CDH4: variants seen among roughly 807,000 people sequenced by gnomAD.
The protein encoded by CDH4 is cadherin-4.
CDH4 carries 33 observed loss-of-function variants against 86.0 expected under a neutral mutation model. That is an observed-to-expected ratio of 0.38 (90% confidence interval 0.29 to 0.51). CDH4 has a LOEUF of 0.51. CDH4 is among the 20% of genes least tolerant of loss of function. The pLI, the probability that CDH4 is intolerant of heterozygous loss-of-function variation, is 0.86. For missense variants in CDH4, 1,114 were observed against 1,307.4 expected (o/e 0.85, Z 2.28); for synonymous variants, 555 against 549.4 (o/e 1.01, Z -0.14).
chr20:61,608,471 G>A (rs970913988), intron 2 of CDH4, among the ~76,000 whole-genome samples: 6 of 152,188 alleles, frequency 3.9e-5, no homozygotes, highest in African/African-American at 1.4e-4. Context: ...GCCTAGAGTC[G>A]TCAGGACCCT....
chr20:61,745,177 C>A (rs1166933979), intron 3 of CDH4, among the ~76,000 whole-genome samples: 1 of 152,232 alleles, frequency 6.6e-6, no homozygotes, highest in Non-Finnish European at 1.5e-5. Context: ...GGAAGTAAAG[C>A]GTTAAGCAGA....
At chr20:61,565,975 C>T (rs2086294536) in intron 2 of CDH4, among the ~76,000 whole-genome samples, 1 of 152,202 alleles carries the variant, frequency 6.6e-6, no homozygotes, top group African/African-American at 2.4e-5. Flanking sequence ...GGAGGACCCT[C>T]GTCTTGTCCC....
At chr20:61,655,883 A>G (rs981423162) in intron 2 of CDH4, among the ~76,000 whole-genome samples, 10 of 152,202 alleles carry the variant, frequency 6.6e-5, no homozygotes, top group African/African-American at 2.2e-4. Context: ...TGGCTAATAG[A>G]GAGCAGCCGA....
chr20:61,573,627 G>A (rs1401683972), intron 2 of CDH4, among the ~76,000 whole-genome samples: 1 of 152,092 alleles, frequency 6.6e-6, no homozygotes, highest in Non-Finnish European at 1.5e-5. Context: ...CTCCTGGCTT[G>A]CAGCACAGTG....
chr20:61,822,360 G>T lies in CDH4; in HGVS notation c.577-22308G>T, dbSNP rs1036744294. Among the ~76,000 whole-genome samples, 9 of 152,326 alleles carry T rather than the reference G, an allele frequency of 5.9e-5. 2 individuals are homozygous for T. The highest frequency in any genetic ancestry group is 3.3e-4 in the Admixed American group (5 of 15,304). ...AATGTGGGAGACAGTCGTTTTTACA[G>T]AGCAGAGCTATTGCTGTGTTTAGAT... On this transcript the variant is annotated intron_variant, in intron 4 of 15. Transcript: ENST00000614565.
chr20:61,269,340 G>T lies in CDH4; in HGVS notation c.169+14403G>T, dbSNP rs1453960302. ...CCACCCCATCCTCTGTATCACCTTG[G>T]AACCAGCCCCCCATGGAGACCTGGT... On this transcript the variant is annotated intron_variant, in intron 2 of 15. Transcript: ENST00000614565. This position sits in a 1 kb window ranked among gnomAD's most constrained non-coding sequence, Gnocchi z 5.3. Among the ~76,000 whole-genome samples the T allele has an allele frequency of 6.6e-6, 1 of 152,114 alleles. No individual in the cohort carries two copies. Among genetic ancestry groups the T allele is most frequent in the African/African-American group, 2.4e-5 (1 of 41,424 alleles).
intron 2 of CDH4, chr20:61,436,691 T>C (rs1027117503): frequency 1.3e-5 from 2 of 152,220 alleles, no homozygotes; most frequent in African/African-American, 2.4e-5. Flanking sequence ...AATTAACACA[T>C]TGGCCTCACG....
rs6142889 is a variant in CDH4, at chr20:61,937,422, T to G, written c.*479T>G. The stretch of plus-strand genomic sequence containing the variant: ...GAAATGGGGGAGACTGTGTCTGTCT[T>G]TCTTACTTTTTTTTTGGTCTTTTAT... On this transcript the variant is annotated 3_prime_UTR_variant, in exon 16 of 16. Transcript: ENST00000614565. 0.06 allele frequency: 9,105 copies of G among 152,770 alleles called. 548 individuals carry two copies. The highest frequency in any genetic ancestry group is 0.33 in the East Asian group (1,696 of 5,156). The allele number at this position is 152,770 out of a possible 1,614,324, so 9.5% of individuals were successfully genotyped here.
At chr20:61,814,056 G>A (rs1027633693) in intron 4 of CDH4, among the ~76,000 whole-genome samples, 1 of 152,196 alleles carries the variant, frequency 6.6e-6, no homozygotes, top group Non-Finnish European at 1.5e-5. Context: ...CAGGCCAGAG[G>A]AGCCCACCCC....
intron 2 of CDH4, among the ~76,000 whole-genome samples, chr20:61,640,324 C>A (rs944171152): frequency 1.3e-5 from 2 of 152,226 alleles, no homozygotes; most frequent in African/African-American, 4.8e-5. Context: ...GATGCAGTAG[C>A]CCACACCATC....
intron 2 of CDH4, among the ~76,000 whole-genome samples, chr20:61,306,254 T>G (rs1163454330): frequency 6.6e-6 from 1 of 152,206 alleles, no homozygotes; most frequent in Non-Finnish European, 1.5e-5. Context: ...CGTAAAACAT[T>G]CTAGATTCCT....
At chr20:61,702,533 G>T (rs1038005704) in intron 2 of CDH4, among the ~76,000 whole-genome samples, 3 of 152,206 alleles carry the variant, frequency 2.0e-5, no homozygotes, top group Non-Finnish European at 4.4e-5. Context: ...AGGCATTCTG[G>T]TGATGCAATT....
chr20:61,452,536 T>A (rs1402274061), intron 2 of CDH4, among the ~76,000 whole-genome samples: 2 of 152,242 alleles, frequency 1.3e-5, no homozygotes, highest in Non-Finnish European at 2.9e-5. Flanking sequence ...ATTGCTTTAG[T>A]TAATGAATTT....
chr20:61,418,405 A>T (rs928522620), intron 2 of CDH4, among the ~76,000 whole-genome samples: 3 of 151,632 alleles, frequency 2.0e-5, no homozygotes, highest in South Asian at 2.1e-4. Context: ...TAGAGACGGG[A>T]TTTCACCATG....
At chr20:61,652,449 C>G (rs1372743916) in intron 2 of CDH4, among the ~76,000 whole-genome samples, 5 of 152,188 alleles carry the variant, frequency 3.3e-5, no homozygotes, top group African/African-American at 1.2e-4. Context: ...TATGAGATAA[C>G]TGTCGTCTAT....
intron 2 of CDH4, among the ~76,000 whole-genome samples, chr20:61,570,943 G>T (rs571344617): frequency 6.6e-6 from 1 of 152,202 alleles, no homozygotes; most frequent in South Asian, 2.1e-4. Flanking sequence ...CTGTGTGGGT[G>T]CAGGGCTGCA....
At chr20:61,526,376 C>T (rs533557142) in intron 2 of CDH4, among the ~76,000 whole-genome samples, 1 of 152,260 alleles carries the variant, frequency 6.6e-6, no homozygotes, top group African/African-American at 2.4e-5. Context: ...TCGGTGGAGG[C>T]AGCCCGCCCA....
chr20:61,780,511 G>A (rs1171268861), intron 4 of CDH4, among the ~76,000 whole-genome samples: 1 of 152,236 alleles, frequency 6.6e-6, no homozygotes, highest in Non-Finnish European at 1.5e-5. Flanking sequence ...AAGTGAGAAT[G>A]ACGGACACGG....
In CDH4 at chr20:61,859,799, G is replaced by A. The variant is rs137921994; in HGVS notation, c.877+6901G>A. On this transcript the variant is annotated intron_variant, in intron 6 of 15. Transcript: ENST00000614565. Reference sequence around the variant, plus strand: ...TAGCCTCACGGCCAGCTTCGCTGCCGGGTGGAGGGATGGCTTCGTGGACAG... The same window carrying A: ...TAGCCTCACGGCCAGCTTCGCTGCCAGGTGGAGGGATGGCTTCGTGGACAG... 4.3e-3 allele frequency among the ~76,000 whole-genome samples: 651 copies of A among 152,392 alleles called. 3 individuals are homozygous for A. Among genetic ancestry groups the A allele is most frequent in the Admixed American group, 8.4e-3 (128 of 15,314 alleles).
Sources: allele counts gnomAD v4.1 joint callset (sites outside exome capture counted in the v4.1 genomes callset), GRCh38; gene constraint gnomAD v4.1.1; non-coding constraint Gnocchi (gnomAD v3.1); transcripts MANE v1.5; gene names NCBI Gene and HGNC (gene_info 2026-07-23, HGNC 2026-07-21).